Variants in RNF32 observed in about 807,000 individuals in gnomAD.
RNF32 encodes ring finger protein 32.
A neutral mutation model predicts 41.0 loss-of-function variants in RNF32; 36 were observed. The ratio of observed to expected loss-of-function variants is 0.88; its 90% CI spans 0.67 to 1.16. The LOEUF is 1.16. RNF32 is among the 50% of genes most tolerant of loss of function. The pLI is 0.00. For missense variants in RNF32, 413 were observed against 436.7 expected (o/e 0.95, Z 0.48); for synonymous variants, 154 against 160.9 (o/e 0.96, Z 0.32).
At chr7:156,663,809 G>A (rs1315434189) in intron 7 of RNF32, among the ~76,000 whole-genome samples, 1 of 152,182 alleles carries the variant, frequency 6.6e-6, no homozygotes, top group Non-Finnish European at 1.5e-5. Flanking sequence ...CAGACCAGTG[G>A]AGAAAAAAAT....
At chr7:156,640,368 C>T, upstream of RNF32, 2 of 443,386 alleles carry the variant, frequency 4.5e-6, no homozygotes, top group Non-Finnish European at 4.5e-6. Flanking sequence ...GCTGCGCCCA[C>T]AAAGCCGCCG....
At chr7:156,666,747 C>T (rs185680814) in intron 7 of RNF32, among the ~76,000 whole-genome samples, 86 of 152,264 alleles carry the variant, frequency 5.6e-4, no homozygotes, top group African/African-American at 2.0e-3. Flanking sequence ...TACCTAGCAC[C>T]GGTGTGTACA....
rs1160491278 is a variant in RNF32, at chr7:156,643,823, T to C, written c.-55T>C. On this transcript the variant is annotated 5_prime_UTR_variant, in exon 2 of 9. Transcript: ENST00000317955. ...CAGCAGAAGAATAGAAGGAAGGTGA[T>C]AGGATGTGATGATAGAATTTGTGAT... The C allele has an allele frequency of 9.8e-6, 15 of 1,534,668 alleles. No homozygotes were observed. Among genetic ancestry groups the C allele is most frequent in the East Asian group, 4.5e-5 (2 of 44,528 alleles).
intron 1 of RNF32, among the ~76,000 whole-genome samples, chr7:156,642,145 C>G (rs1314676254): frequency 6.6e-6 from 1 of 152,188 alleles, no homozygotes; most frequent in South Asian, 2.1e-4. Context: ...CACAGTAAGT[C>G]TTCACTTAAC....
chr7:156,659,749 G>C (rs1800321039), intron 7 of RNF32: 2 of 695,504 alleles, frequency 2.9e-6, no homozygotes, highest in African/African-American at 1.9e-5. Context: ...CTGGAAACAA[G>C]TGAAGCAACC....
chr7:156,658,799 TA>T, intron 7 of RNF32: 2 of 1,098,310 alleles, frequency 1.8e-6, no homozygotes, highest in South Asian at 2.9e-5. Context: ...AAAATTAGGT[TA>T]AATCAAAGCA....
intron 4 of RNF32, 127 bp downstream of exon 4, chr7:156,654,845 C>T: frequency 1.2e-6 from 1 of 802,058 alleles, no homozygotes; most frequent in Non-Finnish European, 2.0e-6. Context: ...GCCTCACACA[C>T]TTCCATTTTG....
Position 156,676,938 on chromosome 7 carries a change from T to C in RNF32, c.*283T>C. The C allele has an allele frequency of 8.1e-6, 3 of 370,460 alleles. No homozygotes were observed. Among genetic ancestry groups the C allele is most frequent in the Non-Finnish European group, 1.5e-5 (3 of 200,702 alleles). 22.9% of individuals were successfully genotyped at this position (370,460 alleles called of 1,614,324 possible). ...TTACTTCTAAAAATTGAGGTTAAGA[T>C]ATAGCTAGTGTCTGAACGACACTCC... is the stretch of plus-strand genomic sequence containing the variant. On this transcript the variant is annotated 3_prime_UTR_variant, in exon 9 of 9. Transcript: ENST00000317955.
chr7:156,671,814 C>T (rs1031243086), intron 7 of RNF32, among the ~76,000 whole-genome samples: 1 of 151,314 alleles, frequency 6.6e-6, no homozygotes. Context: ...GTTCCCTGAC[C>T]ACGGTGCAGC....
At chr7:156,658,429 T>A (rs1427082974) in intron 6 of RNF32, 33 bp from the exon 7 acceptor site, 3 of 1,566,000 alleles carry the variant, frequency 1.9e-6, no homozygotes, top group Non-Finnish European at 2.6e-6. Flanking sequence ...AGAGTCATCA[T>A]AAATTAGTCA....
At chr7:156,661,723 A>G (rs917027234) in intron 7 of RNF32, among the ~76,000 whole-genome samples, 1 of 152,194 alleles carries the variant, frequency 6.6e-6, no homozygotes, top group Non-Finnish European at 1.5e-5. Context: ...CAGGCACCAC[A>G]CTGTGTTCAT....
At chr7:156,651,901 G>A (rs2131412518) in intron 3 of RNF32, among the ~76,000 whole-genome samples, 1 of 152,236 alleles carries the variant, frequency 6.6e-6, no homozygotes, top group East Asian at 1.9e-4. Context: ...AATCCTCCGT[G>A]GTCCCCTCCC....
intron 3 of RNF32, among the ~76,000 whole-genome samples, chr7:156,652,693 T>TA (rs199707673): frequency 1.5e-3 from 229 of 148,094 alleles, no homozygotes; most frequent in East Asian, 5.5e-3. Flanking sequence ...ACAAAAAAGT[T>TA]AAAAAAAAAA....
chr7:156,649,912 A>C (rs1426456241), intron 3 of RNF32, among the ~76,000 whole-genome samples: 1 of 152,236 alleles, frequency 6.6e-6, no homozygotes, highest in Non-Finnish European at 1.5e-5. Context: ...AGCTTCACCA[A>C]ATAAGTTGGG....
Position 156,669,524 on chromosome 7 carries a change from C to T in RNF32, c.685-6172C>T, listed in dbSNP as rs771327009. 8.5e-5 allele frequency among the ~76,000 whole-genome samples: 13 copies of T among 152,124 alleles called. No individual in the cohort carries two copies. The highest frequency in any genetic ancestry group is 1.9e-4 in the Non-Finnish European group (13 of 68,008). On this transcript the variant is annotated intron_variant, in intron 7 of 8. Transcript: ENST00000317955. The surrounding 1 kb of genome is among the most constrained non-coding windows in gnomAD (Gnocchi z 4.2). ...TTAGCATGTGGGAGGGGCAGGCTGG[C>T]AGAGTGTGAGCCGCTGGGCACAGGT...
chr7:156,666,757 AG>A (rs1243576143), intron 7 of RNF32, among the ~76,000 whole-genome samples: 126 of 152,356 alleles, frequency 8.3e-4, no homozygotes, highest in African/African-American at 3.0e-3. Context: ...CGGTGTGTAC[AG>A]AAAGTCCACA....
At chr7:156,655,260 C>G (rs185902312) in intron 4 of RNF32, among the ~76,000 whole-genome samples, 30 of 148,870 alleles carry the variant, frequency 2.0e-4, no homozygotes, top group East Asian at 1.4e-3. Flanking sequence ...CACACACACA[C>G]ACAGAGAGAG....
At chr7:156,643,750 G>C (rs1337537030) in intron 1 of RNF32, 51 bp from the exon 2 acceptor site, 10 of 836,442 alleles carry the variant, frequency 1.2e-5, no homozygotes, top group Admixed American at 2.0e-5. Flanking sequence ...CAAACTTCAT[G>C]GTTTTTCTGT....
chr7:156,673,369 T>C (rs1585119279), intron 7 of RNF32, among the ~76,000 whole-genome samples: 2 of 152,334 alleles, frequency 1.3e-5, no homozygotes, highest in East Asian at 3.9e-4. Context: ...CCTTTTACAA[T>C]GTATAGAGAA....
Sources: gnomAD v4.1 joint callset for allele counts (sites outside exome capture counted in the v4.1 genomes callset) on GRCh38, gnomAD v4.1.1 for gene constraint, Gnocchi (gnomAD v3.1) non-coding constraint, MANE v1.5 for transcripts, NCBI Gene and HGNC (gene_info 2026-07-23, HGNC 2026-07-21) for gene names.